The following CDKL4 variants were observed in gnomAD, a reference collection of about 807,000 sequenced individuals.
CDKL4 encodes the protein cyclin-dependent kinase-like 4.
Under a neutral mutation model 42.0 loss-of-function variants are expected in CDKL4, and 44 were observed. That is an observed-to-expected ratio of 1.05 (90% confidence interval 0.82 to 1.35). The LOEUF (loss-of-function observed/expected upper bound fraction) is 1.35. Ranked by LOEUF, CDKL4 falls within the 40% of genes most tolerant of loss-of-function variation. The pLI is 0.00. For synonymous variants in CDKL4, 120 were observed against 121.6 expected, an observed-to-expected ratio of 0.99 and a Z score of 0.09; for missense variants, 393 against 369.9, an observed-to-expected ratio of 1.06 and a Z score of -0.51.
At chr2:39,210,627 T>G (rs1050059134) in intron 4 of CDKL4, among the ~76,000 whole-genome samples, 1 of 152,196 alleles carries the variant, frequency 6.6e-6, no homozygotes, top group African/African-American at 2.4e-5. Flanking sequence ...TATAACCAAG[T>G]ACCCAGGAAA....
chr2:39,184,066 T>C (rs1002775148), intron 8 of CDKL4, among the ~76,000 whole-genome samples: 1 of 152,214 alleles, frequency 6.6e-6, no homozygotes, highest in African/African-American at 2.4e-5. Flanking sequence ...GGCTAGATAC[T>C]GGAATCTGTA....
intron 5 of CDKL4, among the ~76,000 whole-genome samples, chr2:39,192,499 T>C (rs925307522): frequency 7.3e-5 from 11 of 151,616 alleles, no homozygotes; most frequent in African/African-American, 2.7e-4. Context: ...TAGCTGGGAC[T>C]ATAGGGGCTT....
At chr2:39,230,631 T>C (rs1437905890) in intron 1 of CDKL4, among the ~76,000 whole-genome samples, 1 of 152,206 alleles carries the variant, frequency 6.6e-6, no homozygotes, top group East Asian at 1.9e-4. Context: ...GAATTAAAAA[T>C]AGAAAAATTC....
chr2:39,188,655 A>G (rs72799485), intron 6 of CDKL4, among the ~76,000 whole-genome samples: 1 of 148,902 alleles, frequency 6.7e-6, no homozygotes, highest in Admixed American at 6.7e-5. Context: ...CATAAATGAG[A>G]TTTTATGAGA....
In CDKL4 at chr2:39,178,924, G is replaced by C; in HGVS notation, c.927+263C>G. On this transcript the variant is annotated intron_variant, in intron 9 of 9. Transcript: ENST00000451199. ...TATGGGTATACGATCTTGTGGGTGGGATATCCAATCAGAGCAGCCAAAGAG... is the reference window on the plus strand; with the variant it reads ...TATGGGTATACGATCTTGTGGGTGGCATATCCAATCAGAGCAGCCAAAGAG... The C allele has an allele frequency of 2.1e-6, 3 of 1,447,662 alleles. No individual in the cohort carries two copies. The South Asian group carries it at 4.6e-5, about 22-fold the overall frequency. 89.7% of individuals were successfully genotyped at this position (1,447,662 alleles called of 1,614,324 possible). A position where few individuals can be genotyped will look rare whatever the true frequency, so the allele number is the denominator to read the frequency against.
At chr2:39,244,199 C>T (rs565104319), upstream of CDKL4, among the ~76,000 whole-genome samples, 1 of 152,248 alleles carries the variant, frequency 6.6e-6, no homozygotes, top group Non-Finnish European at 1.5e-5. Context: ...TTCAGCCCAC[C>T]GCTGCACTGT....
intron 5 of CDKL4, among the ~76,000 whole-genome samples, chr2:39,192,538 A>AT (rs142021498): frequency 0.74 from 110,063 of 148,044 alleles, 43,779 homozygotes; most frequent in Non-Finnish European, 0.9. Flanking sequence ...TTTAAAAAAA[A>AT]ATTTTTTTTT....
intron 3 of CDKL4, among the ~76,000 whole-genome samples, chr2:39,214,157 A>T (rs1677767600): frequency 6.6e-6 from 1 of 152,170 alleles, no homozygotes; most frequent in South Asian, 2.1e-4. Context: ...TCTCGACCTC[A>T]GATGATCCAC....
chr2:39,195,796 A>G (rs1025423973), intron 5 of CDKL4, among the ~76,000 whole-genome samples: 34 of 152,090 alleles, frequency 2.2e-4, no homozygotes, highest in African/African-American at 7.7e-4. Flanking sequence ...GGTTTGAGCC[A>G]CTGCGCCCTG....
downstream of CDKL4, among the ~76,000 whole-genome samples, chr2:39,175,185 A>G (rs940821136): frequency 6.6e-6 from 1 of 152,182 alleles, no homozygotes; most frequent in South Asian, 2.1e-4. Flanking sequence ...AATGTTTGCA[A>G]GAGAGTACTA....
chr2:39,212,287 G>C (rs1248475218), intron 4 of CDKL4, among the ~76,000 whole-genome samples: 1 of 150,476 alleles, frequency 6.6e-6, no homozygotes, highest in Non-Finnish European at 1.5e-5. Flanking sequence ...AGGCTGGAGT[G>C]CAGTGGCACG....
intron 4 of CDKL4, among the ~76,000 whole-genome samples, chr2:39,211,283 G>C (rs1490336922): frequency 6.6e-6 from 1 of 152,140 alleles, no homozygotes; most frequent in East Asian, 1.9e-4. Flanking sequence ...GCTACTCAGG[G>C]AGGCTGAAGT....
intron 4 of CDKL4, among the ~76,000 whole-genome samples, chr2:39,209,534 C>T (rs779543427): frequency 3.3e-5 from 5 of 152,168 alleles, no homozygotes; most frequent in Admixed American, 6.5e-5. Flanking sequence ...CATGAATCAC[C>T]TGGAGCTCTG....
chr2:39,182,625 A>G (rs909625859), intron 8 of CDKL4, among the ~76,000 whole-genome samples: 1 of 152,230 alleles, frequency 6.6e-6, no homozygotes, highest in Non-Finnish European at 1.5e-5. Context: ...CAAAATGGTA[A>G]AGTCCAAGTC....
intron 3 of CDKL4, among the ~76,000 whole-genome samples, chr2:39,216,654 G>C (rs1677937499): frequency 6.6e-6 from 1 of 152,084 alleles, no homozygotes; most frequent in African/African-American, 2.4e-5. Context: ...TCCTTGAGAG[G>C]GACTAGCGAG....
chr2:39,241,679 C>T (rs1034800469), intron 1 of CDKL4, among the ~76,000 whole-genome samples: 32 of 152,194 alleles, frequency 2.1e-4, no homozygotes, highest in African/African-American at 7.5e-4. Flanking sequence ...AAATCTTCAT[C>T]TTTTTCAAGT....
At chr2:39,231,471 A>G (rs995052130) in intron 1 of CDKL4, among the ~76,000 whole-genome samples, 4 of 152,220 alleles carry the variant, frequency 2.6e-5, no homozygotes, top group African/African-American at 9.6e-5. Context: ...AAAAATGTTT[A>G]CCTGGATATA....
At position 39,213,388 on chromosome 2, in the gene CDKL4, A is replaced by ATTC. The variant is rs1677702727; in HGVS notation, c.363+11_363+12insGAA. On this transcript the variant is annotated intron_variant, in intron 4 of 9. Transcript: ENST00000451199. ...GAAGAAATGAATAAATACATTAGAA[A>ATTC]ATGTTACTTACGTTATGTATATGAC... 2.0e-6 allele frequency: 3 copies of ATTC among 1,506,696 alleles called. No individual in the cohort carries two copies. Among genetic ancestry groups the ATTC allele is most frequent in the Non-Finnish European group, 2.8e-6 (3 of 1,087,218 alleles). The allele number at this position is 1,506,696 out of a possible 1,614,324, so 93.3% of individuals were successfully genotyped here.
chr2:39,233,410 T>C (rs1383429827), intron 1 of CDKL4, among the ~76,000 whole-genome samples: 1 of 152,102 alleles, frequency 6.6e-6, no homozygotes, highest in Non-Finnish European at 1.5e-5. Context: ...AAGACATCTG[T>C]TGGAGACTGG....
Sources: allele counts gnomAD v4.1 joint callset (sites outside exome capture counted in the v4.1 genomes callset), GRCh38; gene constraint gnomAD v4.1.1; transcripts MANE v1.5; gene names NCBI Gene and HGNC (gene_info 2026-07-23, HGNC 2026-07-21).